Variants in BTBD9 observed in about 807,000 individuals in gnomAD.
The protein encoded by BTBD9 is BTB domain containing 9.
Under a neutral mutation model 64.3 loss-of-function variants are expected in BTBD9, and 49 were observed. The observed-to-expected ratio is 0.76, with a 90% confidence interval of 0.61 to 0.97. The LOEUF is 0.97. Ranked by LOEUF, BTBD9 falls within the 50% of genes least tolerant of loss-of-function variation. The pLI is 0.00. For synonymous variants in BTBD9, 260 were observed against 274.7 expected (o/e 0.95, Z 0.53); for missense variants, 598 against 762.1 (o/e 0.78, Z 2.53).
At chr6:38,446,954 A>T (rs2127325529) in intron 6 of BTBD9, among the ~76,000 whole-genome samples, 1 of 152,316 alleles carries the variant, frequency 6.6e-6, no homozygotes, top group East Asian at 1.9e-4. Flanking sequence ...ACACATGGCT[A>T]ATTAGAAAGT....
intron 9 of BTBD9, among the ~76,000 whole-genome samples, chr6:38,213,109 C>G (rs1243940059): frequency 6.6e-6 from 1 of 151,768 alleles, no homozygotes; most frequent in African/African-American, 2.4e-5. Flanking sequence ...TGATCTCACA[C>G]ACAGCTAAGC....
At chr6:38,306,003 A>G (rs953027698) in intron 7 of BTBD9, among the ~76,000 whole-genome samples, 1 of 152,186 alleles carries the variant, frequency 6.6e-6, no homozygotes, top group Non-Finnish European at 1.5e-5. Flanking sequence ...GCCTTAAACA[A>G]TTACTCAATG....
intron 8 of BTBD9, 142 bp from the exon 9 acceptor site, chr6:38,256,658 T>C (rs555915309): frequency 1.7e-5 from 10 of 601,702 alleles, no homozygotes; most frequent in East Asian, 1.2e-4. Context: ...CAAAAAAGTA[T>C]GAAGAGAACA....
intron 1 of BTBD9, among the ~76,000 whole-genome samples, chr6:38,626,729 A>AT (rs1476264550): frequency 6.6e-6 from 1 of 152,212 alleles, no homozygotes; most frequent in Non-Finnish European, 1.5e-5. Flanking sequence ...TAGTGACTAC[A>AT]TGCTCTTTGC....
Position 38,429,529 on chromosome 6 carries a change from A to T in BTBD9, c.1155-84436T>A, listed in dbSNP as rs931392675. Reference sequence around the variant, plus strand: ...ACCCTATTGAGCACCTTGCACACATACGTACTTAAATGTTAACCTATCCTT... The same window carrying T: ...ACCCTATTGAGCACCTTGCACACATTCGTACTTAAATGTTAACCTATCCTT... On this transcript the variant is annotated intron_variant, in intron 6 of 10. Coordinates refer to ENST00000481247, the MANE Select transcript of BTBD9 (RefSeq NM_001099272.2). 2.2e-3 allele frequency among the ~76,000 whole-genome samples: 339 copies of T among 151,928 alleles called. 3 individuals are homozygous for T. Among genetic ancestry groups the T allele is most frequent in the Non-Finnish European group, 4.3e-4 (29 of 68,008 alleles).
At chr6:38,561,953 A>G in intron 6 of BTBD9, among the ~76,000 whole-genome samples, 1 of 152,154 alleles carries the variant, frequency 6.6e-6, no homozygotes. Flanking sequence ...GAGAGAGAGA[A>G]AGAGAGAGCA....
chr6:38,570,596 T>C (rs1204022701), intron 6 of BTBD9, among the ~76,000 whole-genome samples: 1 of 152,206 alleles, frequency 6.6e-6, no homozygotes, highest in African/African-American at 2.4e-5. Context: ...TGATTCCTTT[T>C]ACATATTTAG....
chr6:38,485,490 T>G (rs1337581119), intron 6 of BTBD9, among the ~76,000 whole-genome samples: 1 of 152,216 alleles, frequency 6.6e-6, no homozygotes, highest in African/African-American at 2.4e-5. Context: ...GAATGGATGT[T>G]GTGTTAACAG....
At chr6:38,509,470 A>C (rs1173582480) in intron 6 of BTBD9, among the ~76,000 whole-genome samples, 1 of 152,190 alleles carries the variant, frequency 6.6e-6, no homozygotes, top group Non-Finnish European at 1.5e-5. Flanking sequence ...CCTTATAAAT[A>C]CTGGCTGGAA....
chr6:38,304,598 C>G (rs1762555957), intron 7 of BTBD9, among the ~76,000 whole-genome samples: 1 of 151,642 alleles, frequency 6.6e-6, no homozygotes, highest in South Asian at 2.1e-4. Context: ...TACCATCTCT[C>G]TTAATTCTTT....
At chr6:38,398,348 A>C (rs1766777334) in intron 6 of BTBD9, among the ~76,000 whole-genome samples, 1 of 152,170 alleles carries the variant, frequency 6.6e-6, no homozygotes, top group South Asian at 2.1e-4. Context: ...TCTCTGTCCC[A>C]ATCCTCCCCT....
chr6:38,363,338 G>C (rs552250903), intron 6 of BTBD9, among the ~76,000 whole-genome samples: 1 of 152,180 alleles, frequency 6.6e-6, no homozygotes, highest in African/African-American at 2.4e-5. Flanking sequence ...CAGGAGGACT[G>C]CTTGAGGCCA....
At chr6:38,470,741 C>A (rs779842661) in intron 6 of BTBD9, among the ~76,000 whole-genome samples, 1 of 152,180 alleles carries the variant, frequency 6.6e-6, no homozygotes, top group Non-Finnish European at 1.5e-5. Context: ...CTAAAGCATG[C>A]GCAGCACTCT....
chr6:38,533,591 A>G (rs918395097), intron 6 of BTBD9, among the ~76,000 whole-genome samples: 1 of 152,202 alleles, frequency 6.6e-6, no homozygotes, highest in Admixed American at 6.5e-5. Context: ...CAGAATACAC[A>G]TTCTTTTCCT....
At chr6:38,618,173 T>C (rs188639601) in intron 1 of BTBD9, among the ~76,000 whole-genome samples, 4 of 152,352 alleles carry the variant, frequency 2.6e-5, no homozygotes, top group Admixed American at 2.0e-4. Flanking sequence ...AAGCTCACCC[T>C]TGAAATGCAT....
chr6:38,382,563 A>G (rs1171144280), intron 6 of BTBD9, among the ~76,000 whole-genome samples: 3 of 151,820 alleles, frequency 2.0e-5, no homozygotes, highest in Non-Finnish European at 4.4e-5. Context: ...CAGTAGAAAA[A>G]GGAAATAATA....
chr6:38,223,162 T>C (rs978946311), intron 9 of BTBD9, among the ~76,000 whole-genome samples: 6 of 151,900 alleles, frequency 3.9e-5, no homozygotes, highest in Non-Finnish European at 7.4e-5. Flanking sequence ...CTGCCTCGGC[T>C]TCCCAAAGTG....
intron 6 of BTBD9, among the ~76,000 whole-genome samples, chr6:38,404,298 T>C (rs1240115196): frequency 1.3e-5 from 2 of 152,214 alleles, no homozygotes; most frequent in African/African-American, 4.8e-5. Flanking sequence ...ACTAGCCCAT[T>C]TTCTTTCCTC....
chr6:38,594,346 A>G lies in BTBD9; in HGVS notation c.186-19T>C. On this transcript the variant is annotated intron_variant, in intron 2 of 10. Transcript: ENST00000481247. ...TAATGCTCTGCACATCAGGGAAGAA[A>G]CACATGAAGAAACCCTCAAATAGGA... 1 of 1,561,330 alleles carries G rather than the reference A, an allele frequency of 6.4e-7. No homozygotes were observed. The highest frequency in any genetic ancestry group is 8.7e-7 in the Non-Finnish European group (1 of 1,153,196).
Sources: gnomAD v4.1 joint callset for allele counts (sites outside exome capture counted in the v4.1 genomes callset) on GRCh38, gnomAD v4.1.1 for gene constraint, MANE v1.5 for transcripts, NCBI Gene and HGNC (gene_info 2026-07-23, HGNC 2026-07-21) for gene names.